The following EPB41L3 variants were observed in gnomAD, a reference collection of about 807,000 sequenced individuals.
EPB41L3 encodes the protein band 4.1-like protein 3.
A neutral mutation model predicts 127.1 loss-of-function variants in EPB41L3; 57 were observed. That is an observed-to-expected ratio of 0.45 (90% CI 0.36 to 0.56). The LOEUF is 0.56. EPB41L3 is among the 20% of genes least tolerant of loss of function. The pLI, the probability that EPB41L3 is intolerant of heterozygous loss-of-function variation, is 0.00. For missense variants in EPB41L3, 1,273 were observed against 1,372.2 expected (o/e 0.93, Z 1.14); for synonymous variants, 572 against 549.5 (o/e 1.04, Z -0.57).
rs149194185 is a variant in EPB41L3, at chr18:5,422,295, A to G, written c.1339+1083T>C. On this transcript the variant is annotated intron_variant, in intron 11 of 22. Coordinates refer to ENST00000341928, the MANE Select transcript of EPB41L3 (RefSeq NM_012307.5). The stretch of plus-strand genomic sequence containing the variant: ...TTGATTTCTTCTATAAACTGTTCAT[A>G]AAGTATTCCATTAGAAAAAGACAGT... Among the ~76,000 whole-genome samples, 643 of 152,290 alleles carry G rather than the reference A, an allele frequency of 4.2e-3. 6 individuals carry two copies. Among genetic ancestry groups the G allele is most frequent in the African/African-American group, 0.014 (577 of 41,556 alleles).
intron 1 of EPB41L3, among the ~76,000 whole-genome samples, chr18:5,541,251 T>TCAAAAAAA (rs1568542253): frequency 3.6e-4 from 2 of 5,592 alleles, no homozygotes; most frequent in African/African-American, 9.0e-4. Context: ...GGACTCCATC[T>TCAAAAAAA]CAAAAAAAAA....
At chr18:5,523,631 C>CA (rs538203594) in intron 1 of EPB41L3, among the ~76,000 whole-genome samples, 3 of 152,120 alleles carry the variant, frequency 2.0e-5, no homozygotes, top group Non-Finnish European at 4.4e-5. Flanking sequence ...ACTAAAAATA[C>CA]AAAATTAGCC....
intron 1 of EPB41L3, among the ~76,000 whole-genome samples, chr18:5,515,826 C>A (rs529697349): frequency 7.5e-4 from 114 of 152,272 alleles, no homozygotes; most frequent in African/African-American, 2.6e-3. Flanking sequence ...CACTATCCAC[C>A]ACCCCTCTCA....
intron 9 of EPB41L3, among the ~76,000 whole-genome samples, chr18:5,426,695 T>A (rs1489034550): frequency 2.0e-5 from 3 of 152,188 alleles, no homozygotes; most frequent in African/African-American, 7.2e-5. Flanking sequence ...CTCATTTGCA[T>A]CATGCTGTTA....
chr18:5,501,275 TTAAATGAA>T (rs1327404279), intron 1 of EPB41L3, among the ~76,000 whole-genome samples: 6 of 102,466 alleles, frequency 5.9e-5, no homozygotes, highest in African/African-American at 1.8e-4. Context: ...CATTAAGTAT[TTAAATGAA>T]TGAATGAATG....
rs533951028 is a variant in EPB41L3 at position 5,509,940 on chromosome 18, T to C, written c.-11-20746A>G. On this transcript the variant is annotated intron_variant, in intron 1 of 22. Transcript: ENST00000341928. ...AACTAACCACCAAACTAGAGCCAGG[T>C]TGGGAAGAACCCATACTCCTAGAAC... is the stretch of plus-strand genomic sequence containing the variant. Among the ~76,000 whole-genome samples, 11 of 152,250 alleles carry C rather than the reference T, an allele frequency of 7.2e-5. No homozygotes were observed. The South Asian group carries it at 2.3e-3, about 32-fold the overall frequency.
intron 1 of EPB41L3, among the ~76,000 whole-genome samples, chr18:5,508,731 C>T (rs913653897): frequency 1.4e-5 from 2 of 140,952 alleles, no homozygotes; most frequent in Non-Finnish European, 3.0e-5. Flanking sequence ...AGCACCACTG[C>T]ACTCCAGCCT....
Position 5,395,667 on chromosome 18 carries a change from C to T in EPB41L3, c.3014G>A (p.Ser1005Asn), listed in dbSNP as rs1567958595. The T allele has an allele frequency of 1.9e-6, 3 of 1,614,164 alleles. No homozygotes were observed. The highest frequency in any genetic ancestry group is 2.5e-6 in the Non-Finnish European group (3 of 1,180,024). The change falls in exon 20 of 23, where the codon AGT becomes AAT. Residue 1005 changes from serine to asparagine, a missense_variant. This residue lies in a region of EPB41L3 where 765 missense variants were observed against 782.9 expected (regional missense o/e 0.98). Transcript: ENST00000341928. ...GGTTTCAGATGTGATCGTCTGTGCACTCATCAGCACGCCTGGCTCCAGATC... is the reference window on the plus strand; with the variant it reads ...GGTTTCAGATGTGATCGTCTGTGCATTCATCAGCACGCCTGGCTCCAGATC... ...GTDLEPGVLM[S>N]AQTITSETTS...
At chr18:5,471,099 G>A (rs1355596228) in intron 3 of EPB41L3, among the ~76,000 whole-genome samples, 1 of 152,172 alleles carries the variant, frequency 6.6e-6, no homozygotes, top group Non-Finnish European at 1.5e-5. Flanking sequence ...CGTCAGGCAG[G>A]AAGACATTGA....
chr18:5,526,217 A>G (rs1284325546), intron 1 of EPB41L3, among the ~76,000 whole-genome samples: 2 of 152,236 alleles, frequency 1.3e-5, no homozygotes, highest in Admixed American at 1.3e-4. Context: ...TCCTAAAATC[A>G]GTGAAATCAA....
rs73937147 is a variant in EPB41L3 at position 5,512,641 on chromosome 18, G to A, written c.-11-23447C>T. On this transcript the variant is annotated intron_variant, in intron 1 of 22. Transcript: ENST00000341928. ...CAAAAGTAAATAAAGGAGGACCATT[G>A]AGGAATGCGTTTTGATGACCCAGCA... Among the ~76,000 whole-genome samples the A allele has an allele frequency of 9.1e-3, 1,384 of 152,280 alleles. 24 individuals are homozygous for A. The highest frequency in any genetic ancestry group is 0.032 in the African/African-American group (1,334 of 41,552).
intron 3 of EPB41L3, among the ~76,000 whole-genome samples, chr18:5,457,876 G>C (rs1308572201): frequency 1.3e-5 from 2 of 152,270 alleles, no homozygotes; most frequent in Non-Finnish European, 2.9e-5. Flanking sequence ...TTACATCTCA[G>C]GGAAGCTGTT....
intron 3 of EPB41L3, among the ~76,000 whole-genome samples, chr18:5,462,087 G>C (rs2084102988): frequency 6.6e-6 from 1 of 152,116 alleles, no homozygotes; most frequent in African/African-American, 2.4e-5. Context: ...TCTAATTTCA[G>C]ATAAACATTT....
intron 14 of EPB41L3, 94 bp downstream of exon 14, chr18:5,410,472 A>G: frequency 1.1e-6 from 1 of 879,842 alleles, no homozygotes; most frequent in Non-Finnish European, 1.9e-6. Flanking sequence ...GATCTCCATT[A>G]CAACAGCTCA....
chr18:5,534,650 C>A (rs1156708111), intron 1 of EPB41L3, among the ~76,000 whole-genome samples: 1 of 152,142 alleles, frequency 6.6e-6, no homozygotes, highest in Non-Finnish European at 1.5e-5. Flanking sequence ...CAAAATTCTA[C>A]ACTCATCCTG....
intron 15 of EPB41L3, 74 bp downstream of exon 15, chr18:5,407,627 T>A: frequency 6.7e-7 from 1 of 1,497,646 alleles, no homozygotes. Context: ...ATCTGAACGC[T>A]GTAGACAAAC....
intron 3 of EPB41L3, among the ~76,000 whole-genome samples, chr18:5,575,557 C>T (rs2094328616): frequency 1.3e-5 from 2 of 152,126 alleles, no homozygotes; most frequent in African/African-American, 2.4e-5. Flanking sequence ...ATCTAGTTGG[C>T]CCGGTGCTGT....
intron 12 of EPB41L3, among the ~76,000 whole-genome samples, chr18:5,419,305 G>A (rs567043395): frequency 1.3e-5 from 2 of 152,274 alleles, no homozygotes; most frequent in African/African-American, 4.8e-5. Context: ...CAGAAGAATG[G>A]CAATATGATA....
chr18:5,575,926 T>C (rs1000451418), intron 3 of EPB41L3, among the ~76,000 whole-genome samples: 2 of 152,340 alleles, frequency 1.3e-5, no homozygotes, highest in South Asian at 2.1e-4. Context: ...TATTCCTTTA[T>C]AGCAGCACAA....
Sources: allele counts gnomAD v4.1 joint callset (sites outside exome capture counted in the v4.1 genomes callset), GRCh38; gene constraint gnomAD v4.1.1; regional missense constraint gnomAD v4.1.1; transcripts MANE v1.5; gene names NCBI Gene and HGNC (gene_info 2026-07-23, HGNC 2026-07-21).